MAPK1IP1L: variants seen among roughly 807,000 people sequenced by gnomAD.
MAPK1IP1L encodes MAPK-interacting and spindle-stabilizing protein-like.
Under a neutral mutation model 18.1 loss-of-function variants are expected in MAPK1IP1L, and 10 were observed. The ratio of observed to expected loss-of-function variants is 0.55; its 90% CI spans 0.34 to 0.94. MAPK1IP1L has a LOEUF of 0.94. MAPK1IP1L is among the 40% of genes least tolerant of loss of function. The pLI, the probability that MAPK1IP1L is intolerant of heterozygous loss-of-function variation, is 0.02. For missense variants in MAPK1IP1L, 260 were observed against 318.2 expected, an observed-to-expected ratio of 0.82 and a Z score of 1.39; for synonymous variants, 115 against 117.3, an observed-to-expected ratio of 0.98 and a Z score of 0.13.
At chr14:55,060,330 C>T (rs1345606107) in intron 1 of MAPK1IP1L, 2 of 152,034 alleles carry the variant, frequency 1.3e-5, no homozygotes, top group Non-Finnish European at 2.9e-5. Flanking sequence ...CGCCACCACA[C>T]TGGGCTAATC....
At chr14:55,056,517 T>G (rs891620588) in intron 1 of MAPK1IP1L, among the ~76,000 whole-genome samples, 9 of 152,162 alleles carry the variant, frequency 5.9e-5, no homozygotes, top group Non-Finnish European at 2.9e-5. Flanking sequence ...GTTTTTTTGT[T>G]TTTTTGTTTT....
Position 55,069,628 on chromosome 14 carries a change from G to A in MAPK1IP1L, c.*5001G>A, listed in dbSNP as rs1594630107. The A allele has an allele frequency of 6.6e-6, 1 of 152,288 alleles. No individual in the cohort carries two copies. Among genetic ancestry groups the A allele is most frequent in the African/African-American group, 2.4e-5 (1 of 41,402 alleles). The allele number at this position is 152,288 out of a possible 1,614,324, so 9.4% of individuals were successfully genotyped here. A position where few individuals can be genotyped will look rare whatever the true frequency, so the allele number is the denominator to read the frequency against. ...CCAGAGCCTAATTAACTGTAAATTT[G>A]TTGTCAAAAAGGAAGAAAAAAGGGC... On this transcript the variant is annotated 3_prime_UTR_variant, in exon 4 of 4. Transcript: ENST00000395468.
rs776928881 is a variant in MAPK1IP1L at position 55,061,672 on chromosome 14, T to C, written c.-4-8T>C. 1.9e-6 allele frequency: 3 copies of C among 1,555,140 alleles called. No individual in the cohort carries two copies. Among genetic ancestry groups the C allele is most frequent in the Admixed American group, 3.7e-5 (2 of 54,096 alleles). ...TTCTTTCTTCCTTCATTTCTTTTCTTTTTTTAGGAAAATGTCTGATGAATT... is the reference window on the plus strand; with the variant it reads ...TTCTTTCTTCCTTCATTTCTTTTCTCTTTTTAGGAAAATGTCTGATGAATT... On this transcript the variant is annotated splice_region_variant and splice_polypyrimidine_tract_variant and intron_variant, in intron 1 of 3. Coordinates refer to ENST00000395468, the MANE Select transcript of MAPK1IP1L (RefSeq NM_144578.4).
At chr14:55,064,079 C>T (rs2140262191) in intron 3 of MAPK1IP1L, 1 of 135,792 alleles carries the variant, frequency 7.4e-6, no homozygotes, top group South Asian at 2.4e-4. Flanking sequence ...AGTCTCTCGG[C>T]TCGCTGCAAT....
At chr14:55,063,698 C>T (rs2042838567) in intron 3 of MAPK1IP1L, among the ~76,000 whole-genome samples, 1 of 152,132 alleles carries the variant, frequency 6.6e-6, no homozygotes, top group Non-Finnish European at 1.5e-5. Context: ...TCAGTAAAAG[C>T]AGTCTCTACC....
chr14:55,055,790 C>T (rs545521948), intron 1 of MAPK1IP1L, among the ~76,000 whole-genome samples: 6 of 152,108 alleles, frequency 3.9e-5, no homozygotes, highest in South Asian at 4.2e-4. Context: ...ATTAGCCGGG[C>T]GTGGTGGCAC....
intron 1 of MAPK1IP1L, among the ~76,000 whole-genome samples, chr14:55,059,735 C>T (rs188238156): frequency 1.3e-5 from 2 of 152,284 alleles, no homozygotes; most frequent in East Asian, 3.9e-4. Flanking sequence ...CAAGCTTCCT[C>T]TTCTCCAGCT....
At chr14:55,059,105 AT>A (rs2042793853) in intron 1 of MAPK1IP1L, among the ~76,000 whole-genome samples, 1 of 151,348 alleles carries the variant, frequency 6.6e-6, no homozygotes, top group African/African-American at 2.4e-5. Context: ...ATGATTTGAC[AT>A]TTTAAATAGA....
chr14:55,062,367 A>G (rs1399300137), intron 2 of MAPK1IP1L, among the ~76,000 whole-genome samples: 4 of 152,234 alleles, frequency 2.6e-5, no homozygotes, highest in Non-Finnish European at 4.4e-5. Context: ...AGAGAAATGA[A>G]GCACAATATG....
chr14:55,052,236 C>T (rs894204464), intron 1 of MAPK1IP1L, among the ~76,000 whole-genome samples: 6 of 152,128 alleles, frequency 3.9e-5, no homozygotes, highest in African/African-American at 1.4e-4. Context: ...GCCCCTTGGC[C>T]CCGATTTCCC....
Position 55,061,597 on chromosome 14 carries a change from A to C in MAPK1IP1L, c.-4-83A>C. On this transcript the variant is annotated intron_variant, in intron 1 of 3. Coordinates refer to ENST00000395468, the MANE Select transcript of MAPK1IP1L (RefSeq NM_144578.4). Reference sequence around the variant, plus strand: ...TAAGTAATAATAATGTATGCATAGAAAGTTCCTTAAGGAATATTTAAGAAA... The same window carrying C: ...TAAGTAATAATAATGTATGCATAGACAGTTCCTTAAGGAATATTTAAGAAA... 4.2e-6 allele frequency: 4 copies of C among 950,084 alleles called. No individual in the cohort carries two copies. The South Asian group carries it at 4.6e-5, about 11-fold the overall frequency. 58.9% of individuals were successfully genotyped at this position (950,084 alleles called of 1,614,324 possible).
At chr14:55,057,860 G>C (rs2042783963) in intron 1 of MAPK1IP1L, among the ~76,000 whole-genome samples, 1 of 152,072 alleles carries the variant, frequency 6.6e-6, no homozygotes. Context: ...ACTTGAGCCT[G>C]GGAGGTGGAG....
rs113610344 is a variant in MAPK1IP1L, at chr14:55,064,682, C to T, written c.*55C>T. The T allele has an allele frequency of 6.5e-7, 1 of 1,533,730 alleles. No individual in the cohort carries two copies. Among genetic ancestry groups the T allele is most frequent in the Non-Finnish European group, 9.0e-7 (1 of 1,114,536 alleles). ...GCTTTTTGAAGTACATGTATATGCA[C>T]ATGAATGCATATATAAAAATTGCTG... On this transcript the variant is annotated 3_prime_UTR_variant, in exon 4 of 4. Coordinates refer to ENST00000395468, the MANE Select transcript of MAPK1IP1L (RefSeq NM_144578.4).
intron 3 of MAPK1IP1L, among the ~76,000 whole-genome samples, chr14:55,063,528 AAAG>A (rs200258902): frequency 0.018 from 2,690 of 152,324 alleles, 61 homozygotes; most frequent in African/African-American, 0.041. Flanking sequence ...CTTGTGCTAA[AAAG>A]AAGAATTTTC....
chr14:55,061,649 C>A (rs1291063094), intron 1 of MAPK1IP1L, 31 bp from the exon 2 acceptor site: 1 of 1,491,614 alleles, frequency 6.7e-7, no homozygotes, highest in Admixed American at 2.0e-5. Context: ...TGAAATTTTT[C>A]TTTCTTCCTT....
intron 1 of MAPK1IP1L, among the ~76,000 whole-genome samples, chr14:55,052,636 G>A (rs1017544349): frequency 6.6e-6 from 1 of 152,198 alleles, no homozygotes; most frequent in Non-Finnish European, 1.5e-5. Context: ...ACACCTGGGG[G>A]TTGTAAAGGT....
At chr14:55,057,304 A>G (rs1456377340) in intron 1 of MAPK1IP1L, among the ~76,000 whole-genome samples, 2 of 152,238 alleles carry the variant, frequency 1.3e-5, no homozygotes, top group African/African-American at 2.4e-5. Flanking sequence ...TGGAAATACC[A>G]GAGAATCAAG....
intron 1 of MAPK1IP1L, among the ~76,000 whole-genome samples, chr14:55,054,576 A>AC (rs1189196299): frequency 6.6e-6 from 1 of 152,246 alleles, no homozygotes; most frequent in Non-Finnish European, 1.5e-5. Flanking sequence ...TAAGTGTGTT[A>AC]CTATTTTCTG....
In MAPK1IP1L at chr14:55,061,661, ATTTCT is replaced by A. The variant is rs765155544; in HGVS notation, c.-4-10_-4-6del. ...TTTTGAAATTTTTCTTTCTTCCTTCATTTCTTTTCTTTTTTTAGGAAAATGTCTGA... is the reference window on the plus strand; with the variant it reads ...TTTTGAAATTTTTCTTTCTTCCTTCATTTCTTTTTTTAGGAAAATGTCTGA... On this transcript the variant is annotated splice_polypyrimidine_tract_variant and intron_variant, in intron 1 of 3. Transcript: ENST00000395468. 2.3e-5 allele frequency: 36 copies of A among 1,539,306 alleles called. No individual in the cohort carries two copies. The highest frequency in any genetic ancestry group is 3.8e-4 in the Middle Eastern group (2 of 5,260).
Sources: allele counts gnomAD v4.1 joint callset (sites outside exome capture counted in the v4.1 genomes callset), GRCh38; gene constraint gnomAD v4.1.1; transcripts MANE v1.5; gene names NCBI Gene and HGNC (gene_info 2026-07-23, HGNC 2026-07-21).